The following GPC5 variants were observed in gnomAD, a reference collection of about 807,000 sequenced individuals.
GPC5 encodes glypican 5, also known as glypican-5.
GPC5 carries 47 observed loss-of-function variants against 53.9 expected under a neutral mutation model. The ratio of observed to expected loss-of-function variants is 0.87; its 90% CI spans 0.69 to 1.11. GPC5 has a LOEUF of 1.11. GPC5 is among the 50% of genes most tolerant of loss of function. GPC5 has a pLI of 0.00. For missense variants in GPC5, 748 were observed against 713.1 expected (o/e 1.05, Z -0.56); for synonymous variants, 286 against 263.3 (o/e 1.09, Z -0.84).
chr13:92,738,191 A>T (rs993297973), intron 7 of GPC5, among the ~76,000 whole-genome samples: 2 of 152,090 alleles, frequency 1.3e-5, no homozygotes, highest in Admixed American at 1.3e-4. Context: ...ATATATATCT[A>T]TGTCATCTCT....
chr13:92,221,968 G>A (rs1461443456), intron 7 of GPC5, among the ~76,000 whole-genome samples: 1 of 152,166 alleles, frequency 6.6e-6, no homozygotes, highest in Admixed American at 6.5e-5. Flanking sequence ...CAGCAGTTAA[G>A]CAGAGACATT....
intron 7 of GPC5, among the ~76,000 whole-genome samples, chr13:92,683,243 G>A (rs772248574): frequency 3.9e-5 from 6 of 152,134 alleles, no homozygotes; most frequent in African/African-American, 7.2e-5. Context: ...GAGAGAAAAC[G>A]TAGAGGAGGA....
intron 7 of GPC5, among the ~76,000 whole-genome samples, chr13:92,693,434 C>G (rs190963727): frequency 6.6e-6 from 1 of 152,078 alleles, no homozygotes; most frequent in Non-Finnish European, 1.5e-5. Flanking sequence ...AAGTGAAGTT[C>G]AGGCTGAGGT....
In GPC5 at chr13:91,585,851, ATG is replaced by A. The variant is rs370707334; in HGVS notation, c.326-107333_326-107332del. On this transcript the variant is annotated intron_variant, in intron 2 of 7. Coordinates refer to ENST00000377067, the MANE Select transcript of GPC5 (RefSeq NM_004466.6). ...ATTTTACTGTTTAAGTCATATTAAC[ATG>A]TGAAAAAGTAAAAACCTGAGTTAAA... Among the ~76,000 whole-genome samples the A allele has an allele frequency of 6.1e-3, 929 of 152,296 alleles. 8 individuals carry two copies. Among genetic ancestry groups the A allele is most frequent in the African/African-American group, 0.022 (897 of 41,560 alleles).
At chr13:92,395,951 AT>A (rs1875251373) in intron 7 of GPC5, among the ~76,000 whole-genome samples, 1 of 118,170 alleles carries the variant, frequency 8.5e-6, no homozygotes, top group African/African-American at 3.1e-5. Context: ...TCTTTTTGGT[AT>A]TTATCCTGTT....
chr13:91,986,373 A>G (rs759857250), intron 6 of GPC5, among the ~76,000 whole-genome samples: 9 of 152,100 alleles, frequency 5.9e-5, no homozygotes, highest in Non-Finnish European at 1.0e-4. Flanking sequence ...CCGCCAATAC[A>G]TTCTTTATTA....
intron 2 of GPC5, among the ~76,000 whole-genome samples, chr13:91,597,439 G>A (rs1317385368): frequency 6.6e-6 from 1 of 152,116 alleles, no homozygotes; most frequent in African/African-American, 2.4e-5. Flanking sequence ...CTTCCAGTTT[G>A]TTAATTTTGA....
intron 5 of GPC5, among the ~76,000 whole-genome samples, chr13:91,876,202 C>T (rs1039745533): frequency 2.6e-4 from 39 of 152,036 alleles, no homozygotes; most frequent in Admixed American, 1.2e-3. Flanking sequence ...TTATCAGCAG[C>T]GTGAAAACAG....
intron 5 of GPC5, among the ~76,000 whole-genome samples, chr13:91,904,935 A>G (rs2039537553): frequency 1.3e-5 from 2 of 152,060 alleles, no homozygotes; most frequent in Non-Finnish European, 2.9e-5. Flanking sequence ...GATCTGCATT[A>G]GCAATCTTGC....
intron 2 of GPC5, among the ~76,000 whole-genome samples, chr13:91,623,042 G>A (rs556020839): frequency 6.6e-6 from 1 of 152,170 alleles, no homozygotes; most frequent in South Asian, 2.1e-4. Flanking sequence ...GGAAGAAGGA[G>A]GAGGAGAGAG....
At chr13:91,494,712 C>T (rs750846785) in intron 2 of GPC5, among the ~76,000 whole-genome samples, 1 of 152,140 alleles carries the variant, frequency 6.6e-6, no homozygotes, top group African/African-American at 2.4e-5. Flanking sequence ...GGTGATCACT[C>T]CTTCTCTTTG....
intron 7 of GPC5, among the ~76,000 whole-genome samples, chr13:92,294,599 T>G (rs1308846603): frequency 6.6e-6 from 1 of 152,112 alleles, no homozygotes; most frequent in Admixed American, 6.5e-5. Context: ...TTTTTCTTTC[T>G]TGGTTAATCT....
chr13:92,389,593 C>T (rs1481198514), intron 7 of GPC5, among the ~76,000 whole-genome samples: 1 of 152,074 alleles, frequency 6.6e-6, no homozygotes, highest in Non-Finnish European at 1.5e-5. Context: ...GTACCAAAAA[C>T]AAAATGAAAG....
intron 7 of GPC5, among the ~76,000 whole-genome samples, chr13:92,486,020 G>A (rs927203309): frequency 6.6e-6 from 1 of 152,136 alleles, no homozygotes; most frequent in Non-Finnish European, 1.5e-5. Flanking sequence ...ACTAATGCCA[G>A]CAGCTATGGA....
intron 7 of GPC5, among the ~76,000 whole-genome samples, chr13:92,852,174 T>G (rs942824707): frequency 6.6e-6 from 1 of 152,160 alleles, no homozygotes; most frequent in African/African-American, 2.4e-5. Context: ...TCTTATCACT[T>G]AGACTTTTCC....
chr13:92,479,202 G>A (rs1566608521), intron 7 of GPC5, among the ~76,000 whole-genome samples: 1 of 152,116 alleles, frequency 6.6e-6, no homozygotes, highest in Non-Finnish European at 1.5e-5. Context: ...CTTCATCTGT[G>A]TATAGAAAAG....
intron 7 of GPC5, among the ~76,000 whole-genome samples, chr13:92,514,353 A>G (rs1042937841): frequency 6.6e-6 from 1 of 152,160 alleles, no homozygotes; most frequent in African/African-American, 2.4e-5. Flanking sequence ...GTGCTGTTCT[A>G]GAGAACGCTG....
intron 6 of GPC5, among the ~76,000 whole-genome samples, chr13:91,930,556 G>A (rs1301479584): frequency 6.6e-6 from 1 of 151,824 alleles, no homozygotes; most frequent in Non-Finnish European, 1.5e-5. Flanking sequence ...GGAACCATAT[G>A]AAATTGTCAG....
intron 7 of GPC5, among the ~76,000 whole-genome samples, chr13:92,611,291 T>G (rs920209892): frequency 1.3e-5 from 2 of 152,136 alleles, no homozygotes; most frequent in African/African-American, 2.4e-5. Context: ...AAGAGGACTT[T>G]CACTTCCATG....
Sources: allele counts gnomAD v4.1 joint callset (sites outside exome capture counted in the v4.1 genomes callset), GRCh38; gene constraint gnomAD v4.1.1; transcripts MANE v1.5; gene names NCBI Gene and HGNC (gene_info 2026-07-23, HGNC 2026-07-21).